TYW1B: variants seen among roughly 807,000 people sequenced by gnomAD.
TYW1B encodes S-adenosyl-L-methionine-dependent tRNA 4-demethylwyosine synthase TYW1B.
TYW1B carries 73 observed loss-of-function variants against 86.9 expected under a neutral mutation model. The observed-to-expected ratio is 0.84, with a 90% CI of 0.70 to 1.02. TYW1B has a LOEUF of 1.02. TYW1B is among the 50% of genes least tolerant of loss of function. The pLI is 0.00. For synonymous variants in TYW1B, 248 were observed against 292.8 expected (o/e 0.85, Z 1.56); for missense variants, 637 against 827.4 (o/e 0.77, Z 2.82).
chr7:72,767,086 T>C (rs1332496937), intron 7 of TYW1B, among the ~76,000 whole-genome samples: 1 of 152,050 alleles, frequency 6.6e-6, no homozygotes, highest in African/African-American at 2.4e-5. Flanking sequence ...AGGAGAGTTA[T>C]CTTGTGTGCC....
At chr7:72,619,059 C>G (rs117880944) in intron 12 of TYW1B, among the ~76,000 whole-genome samples, 88 of 152,128 alleles carry the variant, frequency 5.8e-4, no homozygotes, top group Non-Finnish European at 5.4e-4. Context: ...CAGACAACTG[C>G]GCATGTCCGA....
chr7:72,714,531 G>T (rs1487328052), intron 9 of TYW1B, among the ~76,000 whole-genome samples: 1 of 152,118 alleles, frequency 6.6e-6, no homozygotes, highest in Non-Finnish European at 1.5e-5. Context: ...GCTGAGGTGG[G>T]AAGATCACTT....
chr7:72,644,526 C>T (rs1585871737), intron 11 of TYW1B, among the ~76,000 whole-genome samples: 1 of 151,712 alleles, frequency 6.6e-6, no homozygotes, highest in African/African-American at 2.4e-5. Flanking sequence ...CCAGCCCGGG[C>T]GACAGAGTGA....
At chr7:72,579,446 C>T (rs527628277) in intron 13 of TYW1B, among the ~76,000 whole-genome samples, 6 of 152,176 alleles carry the variant, frequency 3.9e-5, no homozygotes, top group Non-Finnish European at 8.8e-5. Context: ...AACAAAATGC[C>T]ATAGTGTGGG....
intron 7 of TYW1B, among the ~76,000 whole-genome samples, chr7:72,766,828 G>A (rs1787779611): frequency 6.6e-6 from 1 of 152,056 alleles, no homozygotes; most frequent in Admixed American, 6.6e-5. Context: ...TCAGGAGGCT[G>A]AGGCAGGAGA....
At chr7:72,618,213 C>A (rs1812125057) in intron 12 of TYW1B, among the ~76,000 whole-genome samples, 1 of 147,056 alleles carries the variant, frequency 6.8e-6, no homozygotes, top group African/African-American at 2.5e-5. Flanking sequence ...TTGGAGAATG[C>A]AGAATGACAC....
At chr7:72,663,171 C>G (rs1338800506) in intron 11 of TYW1B, among the ~76,000 whole-genome samples, 2 of 140,694 alleles carry the variant, frequency 1.4e-5, no homozygotes, top group Non-Finnish European at 3.0e-5. Flanking sequence ...TGCCACTGGT[C>G]TCTTAGTCAA....
chr7:72,673,686 A>G (rs528763660), intron 11 of TYW1B, among the ~76,000 whole-genome samples: 2 of 152,346 alleles, frequency 1.3e-5, no homozygotes, highest in Admixed American at 6.5e-5. Context: ...AGTCTTTGAT[A>G]GCACAACAGG....
At chr7:72,799,121 G>C (rs1429279353) in intron 6 of TYW1B, among the ~76,000 whole-genome samples, 3 of 148,776 alleles carry the variant, frequency 2.0e-5, no homozygotes, top group African/African-American at 7.4e-5. Context: ...GGGATTACAG[G>C]CATGAGCCAC....
chr7:72,752,606 G>T (rs1270092200), intron 7 of TYW1B, among the ~76,000 whole-genome samples: 3 of 151,806 alleles, frequency 2.0e-5, no homozygotes, highest in African/African-American at 4.8e-5. Context: ...TGGCAGGAGC[G>T]TGTAATCCCA....
chr7:72,597,957 G>A (rs1407533265), intron 13 of TYW1B, among the ~76,000 whole-genome samples: 1 of 152,124 alleles, frequency 6.6e-6, no homozygotes, highest in Non-Finnish European at 1.5e-5. Context: ...GATAAGGACA[G>A]TACAGAAAGG....
chr7:72,602,283 T>C (rs1285065047), intron 13 of TYW1B, among the ~76,000 whole-genome samples: 4 of 152,234 alleles, frequency 2.6e-5, no homozygotes, highest in Admixed American at 6.5e-5. Flanking sequence ...TGCAGTCGAA[T>C]AGTGAAGTAA....
chr7:72,632,399 TAATA>T (rs1812542060), intron 11 of TYW1B, among the ~76,000 whole-genome samples: 1 of 94,518 alleles, frequency 1.1e-5, no homozygotes, highest in Non-Finnish European at 1.8e-5. Context: ...TATATATATA[TAATA>T]TATATATACA....
At chr7:72,596,179 C>CAAAAAAAAAAAAAAAAAAAAAAAAAAAAA in intron 13 of TYW1B, among the ~76,000 whole-genome samples, 1 of 56,378 alleles carries the variant, frequency 1.8e-5, no homozygotes, top group Non-Finnish European at 3.3e-5. Context: ...AACTCTGTCT[C>CAAAAAAAAAAAAAAAAAAAAAAAAAAAAA]AAAAAAAAAA....
intron 6 of TYW1B, among the ~76,000 whole-genome samples, chr7:72,780,461 T>G (rs1460678395): frequency 6.6e-6 from 1 of 152,178 alleles, no homozygotes. Context: ...CAAGCTTATT[T>G]GCTTAACCCA....
chr7:72,811,497 A>T (rs1218333637), intron 3 of TYW1B, among the ~76,000 whole-genome samples: 2 of 151,852 alleles, frequency 1.3e-5, no homozygotes, highest in Non-Finnish European at 2.9e-5. Context: ...CTTATCCAAT[A>T]AGAGTTGTAT....
At chr7:72,827,987 G>A in intron 1 of TYW1B, 85 bp downstream of exon 1, 2 of 1,593,048 alleles carry the variant, frequency 1.3e-6, no homozygotes, top group Non-Finnish European at 1.7e-6. Flanking sequence ...AGGGGACCGA[G>A]GACGCCACTC....
intron 9 of TYW1B, among the ~76,000 whole-genome samples, chr7:72,726,210 A>G (rs1157707186): frequency 2.0e-5 from 3 of 152,192 alleles, no homozygotes; most frequent in African/African-American, 7.2e-5. Context: ...AAAATGCTTG[A>G]AACTAAAAAT....
intron 12 of TYW1B, among the ~76,000 whole-genome samples, chr7:72,627,006 C>T (rs1464860349): frequency 6.6e-6 from 1 of 151,952 alleles, no homozygotes; most frequent in Non-Finnish European, 1.5e-5. Flanking sequence ...ATAAAAGCTG[C>T]CCCAGCCCAC....
Sources: allele counts gnomAD v4.1 joint callset (sites outside exome capture counted in the v4.1 genomes callset), GRCh38; gene constraint gnomAD v4.1.1; transcripts MANE v1.5; gene names NCBI Gene and HGNC (gene_info 2026-07-23, HGNC 2026-07-21).